NOL3: variants seen among roughly 807,000 people sequenced by gnomAD.
NOL3 encodes muscle-enriched cytoplasmic protein.
Under a neutral mutation model 19.2 loss-of-function variants are expected in NOL3, and 18 were observed. The observed-to-expected ratio is 0.94, with a 90% CI of 0.65 to 1.39. NOL3 has a LOEUF of 1.39. Among genes scored for constraint, NOL3 ranks in the 40% most tolerant of loss-of-function variants. The pLI is 0.00. For synonymous variants in NOL3, 127 were observed against 137.3 expected, an observed-to-expected ratio of 0.93 and a Z score of 0.52; for missense variants, 290 against 289.5, an observed-to-expected ratio of 1.00 and a Z score of -0.01.
chr16:67,174,989 G>T (rs1447808955), intron 3 of NOL3, 45 bp downstream of exon 3: 1 of 1,610,350 alleles, frequency 6.2e-7, no homozygotes, highest in Non-Finnish European at 8.5e-7. Context: ...GGGAGGGCAT[G>T]GCCTGGGAAG....
At position 67,174,127 on chromosome 16, in the gene NOL3, ACCCCCCATTACTTCTCTC is replaced by A; in HGVS notation, c.-8-31_-8-14del. 6.3e-7 allele frequency: 1 copy of A among 1,597,956 alleles called. No individual in the cohort carries two copies. Among genetic ancestry groups the A allele is most frequent in the Non-Finnish European group, 8.5e-7 (1 of 1,171,194 alleles). On this transcript the variant is annotated splice_polypyrimidine_tract_variant and intron_variant, in intron 1 of 3. Transcript: ENST00000268605. The stretch of plus-strand genomic sequence containing the variant: ...GGCGGCGAGGGCAGCGGGGAGGGCA[ACCCCCCATTACTTCTCTC>A]CCCTTTCCCCATGCAGCCCCGACAA...
At chr16:67,175,279 C>G in exon 4 of NOL3, 1 of 1,432,674 alleles carries the variant, frequency 7.0e-7, no homozygotes, top group Non-Finnish European at 9.1e-7. Flanking sequence ...CAGGCCCAAG[C>G]CCACCACGAG....
At chr16:67,171,663 A>G (rs1340137494) in intron 1 of NOL3, 1 of 152,214 alleles carries the variant, frequency 6.6e-6, no homozygotes, top group Non-Finnish European at 1.5e-5. Context: ...TTCAGGCTGG[A>G]GCAAGTAAGA....
At chr16:67,173,822 G>T in intron 1 of NOL3, 1 of 1,507,392 alleles carries the variant, frequency 6.6e-7, no homozygotes, top group Non-Finnish European at 8.9e-7. Flanking sequence ...GATTTGCCGG[G>T]GGTGGAGCTC....
intron 2 of NOL3, 62 bp from the exon 3 acceptor site, chr16:67,174,559 T>C (rs2032021241): frequency 1.3e-6 from 2 of 1,499,636 alleles, no homozygotes; most frequent in Admixed American, 2.3e-5. Context: ...CCGCTAGAAG[T>C]AGGCGAGTGT....
chr16:67,175,393 C>T (rs936782281), exon 4 of NOL3: 24 of 1,188,152 alleles, frequency 2.0e-5, no homozygotes, highest in African/African-American at 3.1e-5. Flanking sequence ...CCCTCCTGCC[C>T]GCATACACAA....
intron 1 of NOL3, 163 bp from the exon 2 acceptor site, chr16:67,173,999 G>A: frequency 6.5e-7 from 1 of 1,541,380 alleles, no homozygotes; most frequent in Non-Finnish European, 8.7e-7. Context: ...TCCCCGTGTT[G>A]GCCTCCAGGT....
At chr16:67,174,383 G>A (rs1383482237) in exon 2 of NOL3, 11 of 1,561,646 alleles carry the variant, frequency 7.0e-6, no homozygotes, top group Non-Finnish European at 9.5e-6. Flanking sequence ...GGGCGAGGCC[G>A]CCTGCCAGGA....
chr16:67,175,232 A>T, exon 4 of NOL3: 1 of 1,501,228 alleles, frequency 6.7e-7, no homozygotes, highest in Non-Finnish European at 8.8e-7. Context: ...TTGCCCAGGA[A>T]CTTAGGGTGG....
At chr16:67,174,219 A>C (rs1567675181) in exon 2 of NOL3, 2 of 1,612,932 alleles carry the variant, frequency 1.2e-6, no homozygotes, top group Non-Finnish European at 1.7e-6. Context: ...CGCGAGCGGA[A>C]ACGCCTGGTC....
chr16:67,174,831 C>G (rs377659624), exon 3 of NOL3: 40 of 1,603,980 alleles, frequency 2.5e-5, no homozygotes, highest in South Asian at 5.5e-5. Context: ...GAACCGGAGC[C>G]GGAGCCAGAG....
exon 3 of NOL3, chr16:67,174,621 G>T: frequency 6.5e-7 from 1 of 1,528,678 alleles, no homozygotes. Context: ...TCCGCCCCAG[G>T]CTACCGGGAC....
At chr16:67,171,786 GGAGT>G (rs1358621010) in intron 1 of NOL3, 3 of 152,380 alleles carry the variant, frequency 2.0e-5, no homozygotes, top group Non-Finnish European at 4.4e-5. Context: ...TGGCAGAATG[GGAGT>G]GAGAGGGGCT....
chr16:67,173,792 CG>C, intron 1 of NOL3: 1 of 1,334,670 alleles, frequency 7.5e-7, no homozygotes, highest in Non-Finnish European at 1.0e-6. Context: ...TTTGGATAAA[CG>C]GGGTCTGAAC....
chr16:67,172,993 A>G (rs1212514279), intron 1 of NOL3: 1 of 150,426 alleles, frequency 6.6e-6, no homozygotes, highest in Non-Finnish European at 1.5e-5. Flanking sequence ...AAAAAAAAAA[A>G]AAGGCTGGGC....
intron 2 of NOL3, 23 bp downstream of exon 2, chr16:67,174,487 A>G (rs1401025417): frequency 1.8e-5 from 26 of 1,472,354 alleles, no homozygotes; most frequent in Non-Finnish European, 2.2e-5. Context: ...GGCGGGGCCT[A>G]GGGCAGAGCA....
chr16:67,173,888 C>T, intron 1 of NOL3: 1 of 1,535,666 alleles, frequency 6.5e-7, no homozygotes, highest in Non-Finnish European at 8.7e-7. Flanking sequence ...CTGGGAAAGG[C>T]AGGGGAGGAG....
At chr16:67,172,398 G>A (rs1318378008) in intron 1 of NOL3, among the ~76,000 whole-genome samples, 1 of 152,016 alleles carries the variant, frequency 6.6e-6, no homozygotes, top group African/African-American at 2.4e-5. Context: ...GGATCACGAG[G>A]TCAGGAGTTC....
At position 67,174,123 on chromosome 16, in the gene NOL3, G is replaced by A. The variant is rs1401148054; in HGVS notation, c.-8-39G>A. 4 of 1,602,828 alleles carry A rather than the reference G, an allele frequency of 2.5e-6. No individual in the cohort carries two copies. The South Asian group carries it at 4.5e-5, about 18-fold the overall frequency. On this transcript the variant is annotated intron_variant, in intron 1 of 3. Transcript: ENST00000268605. ...CAGAGGCGGCGAGGGCAGCGGGGAG[G>A]GCAACCCCCCATTACTTCTCTCCCC... is the stretch of plus-strand genomic sequence containing the variant.
Sources: gnomAD v4.1 joint callset for allele counts (sites outside exome capture counted in the v4.1 genomes callset) on GRCh38, gnomAD v4.1.1 for gene constraint, MANE v1.5 for transcripts, NCBI Gene and HGNC (gene_info 2026-07-23, HGNC 2026-07-21) for gene names.